Variants in PPM1E observed in about 807,000 individuals in gnomAD.
The protein encoded by PPM1E is protein phosphatase 1E.
A neutral mutation model predicts 65.9 loss-of-function variants in PPM1E; 20 were observed. That is an observed-to-expected ratio of 0.30 (90% CI 0.21 to 0.44). The LOEUF (loss-of-function observed/expected upper bound fraction) is 0.44, where lower values mean the gene tolerates loss of function less well. Ranked by LOEUF, PPM1E falls within the 20% of genes least tolerant of loss-of-function variation. PPM1E has a pLI of 1.00. For synonymous variants in PPM1E, 352 were observed against 374.9 expected (o/e 0.94, Z 0.70); for missense variants, 713 against 953.1 (o/e 0.75, Z 3.32).
intron 1 of PPM1E, among the ~76,000 whole-genome samples, chr17:58,779,392 C>T (rs542966372): frequency 3.9e-5 from 6 of 151,964 alleles, no homozygotes; most frequent in African/African-American, 9.7e-5. Flanking sequence ...AGTCTGGTCT[C>T]GAACTTCCGA....
chr17:58,778,816 A>T (rs1285043654), intron 1 of PPM1E, among the ~76,000 whole-genome samples: 4 of 151,542 alleles, frequency 2.6e-5, no homozygotes, highest in African/African-American at 9.7e-5. Flanking sequence ...ACTATGGGGA[A>T]AAAGAACAAA....
At chr17:58,793,274 C>T (rs1464834313) in intron 1 of PPM1E, among the ~76,000 whole-genome samples, 2 of 151,942 alleles carry the variant, frequency 1.3e-5, no homozygotes, top group Non-Finnish European at 2.9e-5. Flanking sequence ...TATATGCACA[C>T]AAAGATATAT....
chr17:58,778,478 T>C (rs2050017038), intron 1 of PPM1E, among the ~76,000 whole-genome samples: 1 of 149,864 alleles, frequency 6.7e-6, no homozygotes, highest in Admixed American at 6.7e-5. Context: ...GTCATGATCT[T>C]GGCTCACTGC....
At chr17:58,825,277 A>T (rs1055158598) in intron 1 of PPM1E, among the ~76,000 whole-genome samples, 1 of 150,920 alleles carries the variant, frequency 6.6e-6, no homozygotes, top group African/African-American at 2.4e-5. Flanking sequence ...AATAAATAGA[A>T]TGAAATATCT....
At chr17:58,852,019 C>A (rs151165361) in intron 1 of PPM1E, among the ~76,000 whole-genome samples, 1 of 152,174 alleles carries the variant, frequency 6.6e-6, no homozygotes, top group East Asian at 1.9e-4. Context: ...CCTTGCAGTT[C>A]GATCTCAGAC....
At chr17:58,835,050 C>T (rs1211044094) in intron 1 of PPM1E, among the ~76,000 whole-genome samples, 1 of 152,154 alleles carries the variant, frequency 6.6e-6, no homozygotes, top group Non-Finnish European at 1.5e-5. Flanking sequence ...GTCATTAAAA[C>T]CTTTTTTTGG....
intron 1 of PPM1E, among the ~76,000 whole-genome samples, chr17:58,861,531 C>T (rs998891746): frequency 2.0e-5 from 3 of 152,072 alleles, no homozygotes; most frequent in East Asian, 3.8e-4. Context: ...AAATGGGTGA[C>T]GGATATCCAA....
intron 1 of PPM1E, among the ~76,000 whole-genome samples, chr17:58,899,201 C>T (rs1303338776): frequency 6.6e-6 from 1 of 151,502 alleles, no homozygotes; most frequent in South Asian, 2.1e-4. Context: ...AAAAAATTAG[C>T]GAGGTGTCAT....
intron 1 of PPM1E, among the ~76,000 whole-genome samples, chr17:58,819,180 C>T (rs1187133914): frequency 1.3e-5 from 2 of 152,160 alleles, no homozygotes; most frequent in Non-Finnish European, 2.9e-5. Context: ...CAGTCTCACT[C>T]TGTCACCCAG....
At chr17:58,814,721 A>C (rs2050399424) in intron 1 of PPM1E, among the ~76,000 whole-genome samples, 1 of 152,246 alleles carries the variant, frequency 6.6e-6, no homozygotes, top group Non-Finnish European at 1.5e-5. Context: ...GCTGGCCATA[A>C]ACCATAAGAA....
chr17:58,919,488 G>A (rs1005133149), intron 1 of PPM1E, among the ~76,000 whole-genome samples: 11 of 151,986 alleles, frequency 7.2e-5, no homozygotes, highest in African/African-American at 2.4e-4. Context: ...GATTTACAGC[G>A]AGTTGAAAAG....
At chr17:58,969,347 A>C in intron 3 of PPM1E, 192 bp from the exon 4 acceptor site, 2 of 698,152 alleles carry the variant, frequency 2.9e-6, no homozygotes, top group Non-Finnish European at 5.2e-6. Context: ...GTGTGTAAAC[A>C]CAGATACCCT....
intron 1 of PPM1E, among the ~76,000 whole-genome samples, chr17:58,827,854 A>G (rs1176588159): frequency 6.8e-6 from 1 of 148,126 alleles, no homozygotes. Flanking sequence ...GTGAGCCAAG[A>G]TCGTGCCAGT....
At chr17:58,957,260 A>G (rs989959942) in intron 2 of PPM1E, among the ~76,000 whole-genome samples, 1 of 152,150 alleles carries the variant, frequency 6.6e-6, no homozygotes, top group African/African-American at 2.4e-5. Context: ...TTCCATTTCA[A>G]GCAGCAATTA....
At position 58,883,114 on chromosome 17, in the gene PPM1E, C is replaced by G. The variant is rs181751167; in HGVS notation, c.465-72535C>G. On this transcript the variant is annotated intron_variant, in intron 1 of 6. Transcript: ENST00000308249. ...GGGATTACAGGCGCCTGCCACCACG[C>G]CCAGCTAATTTTTTTGTGTTTTTAG... 3.0e-3 allele frequency among the ~76,000 whole-genome samples: 453 copies of G among 151,946 alleles called. 2 individuals are homozygous for G. Among genetic ancestry groups the G allele is most frequent in the Middle Eastern group, 0.017 (5 of 294 alleles).
At chr17:58,863,786 C>CT (rs1234288626) in intron 1 of PPM1E, among the ~76,000 whole-genome samples, 2 of 152,056 alleles carry the variant, frequency 1.3e-5, no homozygotes. Context: ...GTGTCCCAAC[C>CT]GAACACCTCT....
chr17:58,821,614 G>C (rs2050480925), intron 1 of PPM1E, among the ~76,000 whole-genome samples: 1 of 152,138 alleles, frequency 6.6e-6, no homozygotes, highest in African/African-American at 2.4e-5. Context: ...GCAGGAACTT[G>C]CCCGATATAA....
chr17:58,762,731 A>G (rs759656267), intron 1 of PPM1E, among the ~76,000 whole-genome samples: 14 of 152,094 alleles, frequency 9.2e-5, no homozygotes, highest in Non-Finnish European at 1.9e-4. Flanking sequence ...CCTCGTCTCT[A>G]CTAAAAATAC....
At chr17:58,928,101 C>T (rs1230520304) in intron 1 of PPM1E, among the ~76,000 whole-genome samples, 1 of 151,384 alleles carries the variant, frequency 6.6e-6, no homozygotes, top group Admixed American at 6.6e-5. Flanking sequence ...TGGTGCTTAC[C>T]ATGGTCTGTG....
Sources: gnomAD v4.1 joint callset for allele counts (sites outside exome capture counted in the v4.1 genomes callset) on GRCh38, gnomAD v4.1.1 for gene constraint, MANE v1.5 for transcripts, NCBI Gene and HGNC (gene_info 2026-07-23, HGNC 2026-07-21) for gene names.